RNF150: variants seen among roughly 807,000 people sequenced by gnomAD.
The protein encoded by RNF150 is ring finger protein 150.
A neutral mutation model predicts 39.3 loss-of-function variants in RNF150; 24 were observed. The ratio of observed to expected loss-of-function variants is 0.61; its 90% CI spans 0.44 to 0.86. The LOEUF is 0.86. Among genes scored for constraint, RNF150 ranks in the 40% least tolerant of loss-of-function variants. RNF150 has a pLI of 0.00. For synonymous variants in RNF150, 255 were observed against 227.3 expected, an observed-to-expected ratio of 1.12 and a Z score of -1.10; for missense variants, 502 against 587.8, an observed-to-expected ratio of 0.85 and a Z score of 1.51.
At chr4:141,026,490 A>T (rs1452486497) in intron 1 of RNF150, among the ~76,000 whole-genome samples, 1 of 152,146 alleles carries the variant, frequency 6.6e-6, no homozygotes, top group Non-Finnish European at 1.5e-5. Flanking sequence ...TCCCAACCTG[A>T]TGTTCTGCAT....
intron 4 of RNF150, among the ~76,000 whole-genome samples, chr4:140,945,637 T>C: frequency 7.3e-6 from 1 of 137,196 alleles, no homozygotes; most frequent in African/African-American, 2.7e-5. Context: ...TACATATATA[T>C]ATGTAGTAAC....
intron 1 of RNF150, among the ~76,000 whole-genome samples, chr4:141,092,907 A>G (rs889787098): frequency 6.6e-6 from 1 of 151,982 alleles, no homozygotes; most frequent in Non-Finnish European, 1.5e-5. Flanking sequence ...CTTGTAAAAC[A>G]TGTCTGAGTA....
intron 1 of RNF150, among the ~76,000 whole-genome samples, chr4:140,969,960 C>T (rs370533833): frequency 1.3e-3 from 204 of 152,018 alleles, no homozygotes; most frequent in African/African-American, 4.5e-3. Flanking sequence ...GACAGAGTTT[C>T]GCCATATTGG....
At chr4:140,998,029 T>A (rs1323292961) in intron 1 of RNF150, among the ~76,000 whole-genome samples, 2 of 152,120 alleles carry the variant, frequency 1.3e-5, no homozygotes, top group South Asian at 4.1e-4. Flanking sequence ...TTTCACAGAC[T>A]CCAGATAAAT....
At chr4:141,074,136 A>G (rs1458868838) in intron 1 of RNF150, among the ~76,000 whole-genome samples, 1 of 152,140 alleles carries the variant, frequency 6.6e-6, no homozygotes, top group Non-Finnish European at 1.5e-5. Context: ...ATTCTTTTAA[A>G]AAATATATAA....
At chr4:140,964,137 T>A (rs1036731905) in intron 2 of RNF150, among the ~76,000 whole-genome samples, 1 of 152,126 alleles carries the variant, frequency 6.6e-6, no homozygotes, top group Non-Finnish European at 1.5e-5. Context: ...TATCCCTGAC[T>A]GTAAGCATTA....
rs534389818 is a variant in RNF150, at chr4:141,022,471, C to T, written c.485-54598G>A. ...TTGTACAGATGGGAGTAAGGTGATG[C>T]CTTTGAAAACTTTTTATTTGGTTGG... On this transcript the variant is annotated intron_variant, in intron 1 of 6. Coordinates refer to ENST00000515673, the MANE Select transcript of RNF150 (RefSeq NM_020724.2). Among the ~76,000 whole-genome samples the T allele has an allele frequency of 7.2e-5, 11 of 152,232 alleles. No individual in the cohort carries two copies. The South Asian group carries it at 8.3e-4, about 11-fold the overall frequency.
At chr4:141,155,679 A>G (rs1306285118) in intron 1 of RNF150, among the ~76,000 whole-genome samples, 1 of 152,200 alleles carries the variant, frequency 6.6e-6, no homozygotes, top group Non-Finnish European at 1.5e-5. Flanking sequence ...AAATGCATCA[A>G]AATTTGGCTG....
intron 1 of RNF150, among the ~76,000 whole-genome samples, chr4:141,056,304 G>A (rs1369689643): frequency 2.0e-5 from 3 of 152,156 alleles, no homozygotes; most frequent in Admixed American, 6.5e-5. Flanking sequence ...CGGAGGCTGA[G>A]GCAGGAAGAT....
chr4:141,162,488 A>G (rs886367812), intron 1 of RNF150, among the ~76,000 whole-genome samples: 1 of 152,108 alleles, frequency 6.6e-6, no homozygotes, highest in African/African-American at 2.4e-5. Flanking sequence ...GCTGGAATGA[A>G]TTAAGCATTT....
chr4:141,085,981 A>G (rs565225530), intron 1 of RNF150, among the ~76,000 whole-genome samples: 1 of 151,948 alleles, frequency 6.6e-6, no homozygotes, highest in African/African-American at 2.4e-5. Flanking sequence ...TTGAAGAGTC[A>G]ATAAAGCTTA....
intron 1 of RNF150, among the ~76,000 whole-genome samples, chr4:141,065,875 G>A (rs561171222): frequency 2.3e-4 from 35 of 151,938 alleles, no homozygotes; most frequent in African/African-American, 8.2e-4. Context: ...GAGATGATGT[G>A]GAATCAGCAT....
At chr4:141,042,736 T>C (rs557285143) in intron 1 of RNF150, among the ~76,000 whole-genome samples, 288 of 152,234 alleles carry the variant, frequency 1.9e-3, no homozygotes, top group African/African-American at 6.8e-3. Flanking sequence ...TTCTACTTCA[T>C]TTTCTAGTAT....
intron 4 of RNF150, among the ~76,000 whole-genome samples, chr4:140,935,031 TA>T (rs1284066095): frequency 2.0e-3 from 21 of 10,488 alleles, no homozygotes; most frequent in African/African-American, 6.2e-3. Context: ...TATATATTTA[TA>T]ATATATATAT....
chr4:140,916,577 G>C (rs1730840196), intron 5 of RNF150, among the ~76,000 whole-genome samples: 1 of 152,168 alleles, frequency 6.6e-6, no homozygotes, highest in South Asian at 2.1e-4. Flanking sequence ...TGGTGTACCT[G>C]AAAGTGACGG....
At chr4:140,959,863 G>C (rs1579005334) in intron 2 of RNF150, among the ~76,000 whole-genome samples, 1 of 152,182 alleles carries the variant, frequency 6.6e-6, no homozygotes, top group East Asian at 1.9e-4. Flanking sequence ...CTGGGGTAGA[G>C]GTGAGGCCGT....
chr4:141,141,838 T>TA, intron 1 of RNF150, among the ~76,000 whole-genome samples: 1 of 152,030 alleles, frequency 6.6e-6, no homozygotes, highest in South Asian at 2.1e-4. Context: ...AATAATATAA[T>TA]AAAAAAACTG....
chr4:141,155,881 G>A (rs536228260), intron 1 of RNF150, among the ~76,000 whole-genome samples: 1 of 151,978 alleles, frequency 6.6e-6, no homozygotes, highest in East Asian at 2.0e-4. Context: ...AGCAGAGCAA[G>A]TCTTTCAAAA....
intron 4 of RNF150, among the ~76,000 whole-genome samples, chr4:140,945,584 C>CTACATATA (rs993531322): frequency 1.4e-5 from 2 of 146,852 alleles, no homozygotes; most frequent in African/African-American, 2.5e-5. Context: ...CATATATATA[C>CTACATATA]TACATATATA....
Sources: gnomAD v4.1 joint callset for allele counts (sites outside exome capture counted in the v4.1 genomes callset) on GRCh38, gnomAD v4.1.1 for gene constraint, MANE v1.5 for transcripts, NCBI Gene and HGNC (gene_info 2026-07-23, HGNC 2026-07-21) for gene names.